The following ATP6V0E1 variants were observed in gnomAD, a reference collection of about 807,000 sequenced individuals.
ATP6V0E1 encodes the protein V-type proton ATPase subunit e 1.
A neutral mutation model predicts 11.6 loss-of-function variants in ATP6V0E1; 4 were observed. That is an observed-to-expected ratio of 0.35 (90% CI 0.17 to 0.79). ATP6V0E1 has a LOEUF of 0.79. Among genes scored for constraint, ATP6V0E1 ranks in the 30% least tolerant of loss-of-function variants. The pLI, the probability that ATP6V0E1 is intolerant of heterozygous loss-of-function variation, is 0.54. For missense variants in ATP6V0E1, 105 were observed against 100.0 expected, an observed-to-expected ratio of 1.05 and a Z score of -0.21; for synonymous variants, 36 against 34.8, an observed-to-expected ratio of 1.04 and a Z score of -0.13.
intron 2 of ATP6V0E1, among the ~76,000 whole-genome samples, chr5:172,997,988 C>T (rs1056298680): frequency 6.6e-6 from 1 of 151,618 alleles, no homozygotes; most frequent in Non-Finnish European, 1.5e-5. Context: ...ACATGCCTGT[C>T]GTCCCAGCTA....
chr5:173,005,824 T>C (rs1756219809), intron 2 of ATP6V0E1, among the ~76,000 whole-genome samples: 1 of 152,206 alleles, frequency 6.6e-6, no homozygotes, highest in South Asian at 2.1e-4. Context: ...ATTTGAAATA[T>C]TTTCTAATTT....
chr5:173,033,847 A>T (rs546944813), intron 3 of ATP6V0E1, among the ~76,000 whole-genome samples: 1 of 152,268 alleles, frequency 6.6e-6, no homozygotes, highest in East Asian at 1.9e-4. Context: ...CTGTGTCCGA[A>T]AAAAACAAAA....
At chr5:173,024,875 G>A (rs1285807036) in intron 3 of ATP6V0E1, among the ~76,000 whole-genome samples, 4 of 132,080 alleles carry the variant, frequency 3.0e-5, no homozygotes, top group African/African-American at 5.7e-5. Flanking sequence ...ACAGAATCTC[G>A]CTCTGACGCC....
chr5:172,983,880 C>A lies in ATP6V0E1; in HGVS notation c.20C>A (p.Thr7Asn). The A allele has an allele frequency of 6.2e-7, 1 of 1,613,810 alleles. No individual in the cohort carries two copies. The highest frequency in any genetic ancestry group is 1.1e-5 in the South Asian group (1 of 91,072). MAYHGL[T>N]VPLIVMSVFW... is the part of the protein sequence containing the mutation. ...GCGACCATGGCGTATCACGGCCTCA[C>A]TGTGCCTCTCATTGTGATGAGCGTG... The change falls in exon 1 of 4, where the codon ACT becomes AAT. Residue 7 changes from threonine to asparagine, a missense_variant. Thr to Asn is a moderately conservative substitution (Grantham distance 65). Coordinates refer to ENST00000519374, the MANE Select transcript of ATP6V0E1 (RefSeq NM_003945.4).
chr5:172,998,952 C>A (rs192451898), intron 2 of ATP6V0E1, among the ~76,000 whole-genome samples: 96 of 152,190 alleles, frequency 6.3e-4, no homozygotes, highest in Admixed American at 5.9e-4. Flanking sequence ...TCCTGGCCAA[C>A]ACGGTGAAAC....
chr5:173,028,416 G>A (rs186980630), intron 3 of ATP6V0E1, among the ~76,000 whole-genome samples: 1 of 152,244 alleles, frequency 6.6e-6, no homozygotes, highest in Admixed American at 6.5e-5. Context: ...AGGTAGATTT[G>A]GGTCTGACCT....
intron 2 of ATP6V0E1, among the ~76,000 whole-genome samples, chr5:173,019,479 G>A (rs141500054): frequency 0.011 from 1,706 of 152,074 alleles, 17 homozygotes; most frequent in Middle Eastern, 0.041. Context: ...GGGTGAACTC[G>A]GGAGGCGGAG....
intron 1 of ATP6V0E1, 36 bp downstream of exon 1, chr5:172,984,000 G>A (rs1221786960): frequency 1.9e-6 from 3 of 1,594,888 alleles, no homozygotes; most frequent in Non-Finnish European, 2.6e-6. Context: ...AGGAACGGGC[G>A]GTGAGGAGCT....
intron 2 of ATP6V0E1, among the ~76,000 whole-genome samples, chr5:173,003,158 G>A (rs1472340322): frequency 6.6e-6 from 1 of 152,118 alleles, no homozygotes; most frequent in Non-Finnish European, 1.5e-5. Flanking sequence ...GCAGGTCCTT[G>A]TGTGATTGAC....
intron 2 of ATP6V0E1, among the ~76,000 whole-genome samples, chr5:173,009,765 C>CT (rs1169432985): frequency 0.17 from 20,228 of 117,204 alleles, 2,689 homozygotes; most frequent in African/African-American, 0.37. Flanking sequence ...CGCCTGGCCT[C>CT]TTTTTTTTTT....
chr5:173,014,677 CAA>C (rs1462801755), intron 2 of ATP6V0E1, among the ~76,000 whole-genome samples: 2 of 151,938 alleles, frequency 1.3e-5, no homozygotes, highest in Admixed American at 1.3e-4. Context: ...AATTTGATGT[CAA>C]AGACATGAAG....
At chr5:173,013,222 T>C (rs1756357258) in intron 2 of ATP6V0E1, among the ~76,000 whole-genome samples, 1 of 151,156 alleles carries the variant, frequency 6.6e-6, no homozygotes, top group African/African-American at 2.4e-5. Context: ...AAAACTAAAA[T>C]AGACAAATGG....
intron 3 of ATP6V0E1, among the ~76,000 whole-genome samples, chr5:173,024,586 C>A (rs1053226795): frequency 6.6e-6 from 1 of 152,028 alleles, no homozygotes; most frequent in African/African-American, 2.4e-5. Flanking sequence ...AAAAGGATGT[C>A]TGGTTTACTA....
intron 3 of ATP6V0E1, among the ~76,000 whole-genome samples, chr5:173,034,178 C>T (rs191944656): frequency 1.5e-3 from 227 of 152,328 alleles, no homozygotes; most frequent in African/African-American, 5.2e-3. Flanking sequence ...TAGAGTGTTA[C>T]TTGTGCTCCT....
chr5:173,013,677 A>C (rs2113601271), intron 2 of ATP6V0E1, among the ~76,000 whole-genome samples: 1 of 152,312 alleles, frequency 6.6e-6, no homozygotes, highest in African/African-American at 2.4e-5. Flanking sequence ...TAAGGACCTC[A>C]AACAACTTAA....
chr5:173,014,158 C>G lies in ATP6V0E1; in HGVS notation c.153-6080C>G, dbSNP rs1311065292. Among the ~76,000 whole-genome samples the G allele has an allele frequency of 4.3e-5, 5 of 117,612 alleles. No individual in the cohort carries two copies. In the Admixed American group the frequency reaches 4.9e-4, roughly 12 times the overall value. 77.2% of individuals were successfully genotyped at this position (117,612 alleles called of 152,430 possible). ...CCTGGGCCGTAAAGGGAGACTCCAT[C>G]TTAAAAAAAAAAAAAAAAAAAAGCC... On this transcript the variant is annotated intron_variant, in intron 2 of 3. Transcript: ENST00000519374.
At chr5:173,001,544 A>T (rs1756153254) in intron 2 of ATP6V0E1, among the ~76,000 whole-genome samples, 1 of 152,044 alleles carries the variant, frequency 6.6e-6, no homozygotes, top group Non-Finnish European at 1.5e-5. Context: ...AGCTAGTTTG[A>T]GCACAGGACA....
At chr5:173,018,262 T>C (rs2113605462) in intron 2 of ATP6V0E1, among the ~76,000 whole-genome samples, 1 of 152,126 alleles carries the variant, frequency 6.6e-6, no homozygotes, top group South Asian at 2.1e-4. Flanking sequence ...GTTAAGAAAA[T>C]CATAAGGAAG....
chr5:173,027,581 A>T (rs553729276), intron 3 of ATP6V0E1, among the ~76,000 whole-genome samples: 4 of 150,646 alleles, frequency 2.7e-5, no homozygotes, highest in African/African-American at 7.3e-5. Context: ...AAATATATAT[A>T]TTTTATATAT....
Sources: gnomAD v4.1 joint callset for allele counts (sites outside exome capture counted in the v4.1 genomes callset) on GRCh38, gnomAD v4.1.1 for gene constraint, MANE v1.5 for transcripts, NCBI Gene and HGNC (gene_info 2026-07-23, HGNC 2026-07-21) for gene names.